SMIM31: variants seen among roughly 807,000 people sequenced by gnomAD.
SMIM31 encodes small integral membrane protein 31.
intron 1 of SMIM31, among the ~76,000 whole-genome samples, chr4:164,766,625 C>CATCT (rs1349179344): frequency 6.6e-6 from 1 of 151,750 alleles, no homozygotes; most frequent in Non-Finnish European, 1.5e-5. Context: ...GGTGAAACCC[C>CATCT]ATCTCTACTA....
chr4:164,787,389 A>G (rs1579071563), intron 2 of SMIM31: 2 of 152,270 alleles, frequency 1.3e-5, no homozygotes, highest in South Asian at 4.2e-4. Context: ...GAAGTGTTCA[A>G]TTAAAAAAAG....
chr4:164,777,398 T>C (rs1406616913), intron 2 of SMIM31, among the ~76,000 whole-genome samples: 2 of 152,234 alleles, frequency 1.3e-5, no homozygotes, highest in East Asian at 3.8e-4. Flanking sequence ...CGTTGTTCTT[T>C]AGTTTTTAAA....
At chr4:164,756,298 C>T (rs1732559647) in intron 1 of SMIM31, among the ~76,000 whole-genome samples, 1 of 152,076 alleles carries the variant, frequency 6.6e-6, no homozygotes, top group African/African-American at 2.4e-5. Context: ...AGGCCGGGTG[C>T]GGTGGCTCAC....
chr4:164,798,465 T>C (rs1733238037), intron 2 of SMIM31, among the ~76,000 whole-genome samples: 1 of 151,816 alleles, frequency 6.6e-6, no homozygotes, highest in Admixed American at 6.6e-5. Context: ...ATGGTCTTGA[T>C]CTCCTGACCT....
intron 1 of SMIM31, among the ~76,000 whole-genome samples, chr4:164,755,508 G>T (rs114604187): frequency 1.8e-5 from 2 of 108,362 alleles, no homozygotes; most frequent in East Asian, 3.3e-4. Context: ...AGGAAAGGAG[G>T]GGGGAGGAGA....
chr4:164,778,054 C>T (rs75913179), intron 2 of SMIM31, among the ~76,000 whole-genome samples: 71 of 152,230 alleles, frequency 4.7e-4, no homozygotes, highest in African/African-American at 1.6e-3. Context: ...AAGAAGATCC[C>T]TACCGTTTTT....
chr4:164,762,038 A>G (rs576617594), intron 1 of SMIM31, among the ~76,000 whole-genome samples: 1 of 152,252 alleles, frequency 6.6e-6, no homozygotes, highest in South Asian at 2.1e-4. Context: ...GGCAGGAGGG[A>G]GGAGAAACGT....
chr4:164,760,442 C>T (rs1225032515), intron 1 of SMIM31, among the ~76,000 whole-genome samples: 1 of 151,784 alleles, frequency 6.6e-6, no homozygotes, highest in Non-Finnish European at 1.5e-5. Context: ...AAGATAAAGC[C>T]AATAGGGGCC....
At chr4:164,769,503 C>T (rs1221629791) in intron 1 of SMIM31, among the ~76,000 whole-genome samples, 1 of 149,094 alleles carries the variant, frequency 6.7e-6, no homozygotes, top group Non-Finnish European at 1.5e-5. Context: ...GACAAAAAAA[C>T]CAAACACCGC....
At position 164,780,459 on chromosome 4, in the gene SMIM31, C is replaced by T. The variant is rs115200811; in HGVS notation, c.112+9904C>T. ...AAACAAAAAACGAATAGCTTCTTCT[C>T]TTTTTCTCAAAATCCATGTAGTAGG... On this transcript the variant is annotated intron_variant, in intron 2 of 2. Transcript: ENST00000507311. 6.2e-3 allele frequency among the ~76,000 whole-genome samples: 947 copies of T among 152,276 alleles called. 7 individuals carry two copies. Among genetic ancestry groups the T allele is most frequent in the African/African-American group, 0.021 (859 of 41,570 alleles).
At chr4:164,762,422 G>C (rs367551112) in intron 1 of SMIM31, among the ~76,000 whole-genome samples, 1 of 152,004 alleles carries the variant, frequency 6.6e-6, no homozygotes, top group Admixed American at 6.6e-5. Context: ...ATGATTGAAA[G>C]TATTCAATAT....
At chr4:164,768,571 G>T (rs1394894787) in intron 1 of SMIM31, among the ~76,000 whole-genome samples, 7 of 152,116 alleles carry the variant, frequency 4.6e-5, no homozygotes, top group Non-Finnish European at 1.0e-4. Context: ...AAAATCTGTT[G>T]ATATTCTAGG....
intron 2 of SMIM31, among the ~76,000 whole-genome samples, chr4:164,786,021 C>T (rs1432245737): frequency 2.0e-5 from 3 of 152,002 alleles, no homozygotes; most frequent in African/African-American, 7.3e-5. Context: ...AGGAAATGAC[C>T]AAGACTTCCA....
chr4:164,794,694 C>A (rs9994292), intron 2 of SMIM31, among the ~76,000 whole-genome samples: 110,270 of 151,542 alleles, frequency 0.73, 40,626 homozygotes, highest in Non-Finnish European at 0.8. Flanking sequence ...AGTCCCAGCT[C>A]CTCAGGAGGC....
rs532373996 is a variant in SMIM31 at position 164,768,410 on chromosome 4, C to T, written c.-25-2009C>T. 1.4e-4 allele frequency among the ~76,000 whole-genome samples: 16 copies of T among 112,746 alleles called. No homozygotes were observed. The East Asian group carries it at 1.6e-3, about 11-fold the overall frequency. The allele number at this position is 112,746 out of a possible 152,430, so 74.0% of individuals were successfully genotyped here. A position where few individuals can be genotyped will look rare whatever the true frequency, so the allele number is the denominator to read the frequency against. On this transcript the variant is annotated intron_variant, in intron 1 of 2. Transcript: ENST00000507311. The stretch of plus-strand genomic sequence containing the variant: ...CACCACTGCACTCCAGCCTGGGTGA[C>T]GAGCAACAGTACATCTCAAAAAAAA...
At chr4:164,780,078 G>A (rs1333480459) in intron 2 of SMIM31, among the ~76,000 whole-genome samples, 1 of 152,200 alleles carries the variant, frequency 6.6e-6, no homozygotes, top group Non-Finnish European at 1.5e-5. Flanking sequence ...TTTTTCCCCA[G>A]TGAACTGTGA....
intron 1 of SMIM31, among the ~76,000 whole-genome samples, chr4:164,761,773 A>AT (rs1171476201): frequency 1.3e-5 from 2 of 151,204 alleles, no homozygotes; most frequent in Admixed American, 1.3e-4. Context: ...AAAAAAAAAA[A>AT]ATTAGCCAGG....
chr4:164,769,796 A>G (rs1425705388), intron 1 of SMIM31, among the ~76,000 whole-genome samples: 1 of 152,004 alleles, frequency 6.6e-6, no homozygotes, highest in Non-Finnish European at 1.5e-5. Flanking sequence ...TTTGCAAAAC[A>G]TGATCCTAAC....
intron 1 of SMIM31, among the ~76,000 whole-genome samples, chr4:164,759,479 A>G (rs374268329): frequency 1.2e-4 from 19 of 152,316 alleles, no homozygotes; most frequent in African/African-American, 4.3e-4. Context: ...TTCTTATGTC[A>G]AAAATACAAA....
Sources: gnomAD v4.1 joint callset for allele counts (sites outside exome capture counted in the v4.1 genomes callset) on GRCh38, gnomAD v4.1.1 for gene constraint, MANE v1.5 for transcripts, NCBI Gene and HGNC (gene_info 2026-07-23, HGNC 2026-07-21) for gene names.